Variants in POLR1C observed in about 807,000 individuals in gnomAD.
POLR1C encodes the protein DNA-directed RNA polymerases I and III subunit RPAC1.
Under a neutral mutation model 38.3 loss-of-function variants are expected in POLR1C, and 42 were observed. The ratio of observed to expected loss-of-function variants is 1.10; its 90% CI spans 0.86 to 1.42. The LOEUF is 1.42. POLR1C is among the 40% of genes most tolerant of loss of function. The probability of loss-of-function intolerance (pLI) is 0.00; values close to 1 mark genes in which losing one functional copy is unlikely to be tolerated. For missense variants in POLR1C, 507 were observed against 450.5 expected, an observed-to-expected ratio of 1.13 and a Z score of -1.14; for synonymous variants, 163 against 163.9, an observed-to-expected ratio of 0.99 and a Z score of 0.04.
intron 8 of POLR1C, chr6:43,526,893 C>T (rs530971996): frequency 8.3e-5 from 63 of 762,442 alleles, no homozygotes; most frequent in Admixed American, 1.3e-4. Context: ...GAATTAGCTT[C>T]ACCAATAGAA....
intron 10 of POLR1C, chr6:43,553,757 C>G: frequency 1.8e-6 from 1 of 540,860 alleles, no homozygotes; most frequent in Middle Eastern, 6.2e-4. Flanking sequence ...GAATTCACCT[C>G]TATGAGCCTT....
rs199977124 is a variant in POLR1C at position 43,526,678 on chromosome 6, C to T, written c.923-2571C>T. 4.6e-4 allele frequency: 736 copies of T among 1,613,818 alleles called. No individual in the cohort carries two copies. Among genetic ancestry groups the T allele is most frequent in the Middle Eastern group, 6.6e-4 (4 of 6,062 alleles). On this transcript the variant is annotated intron_variant, in intron 8 of 8. Coordinates refer to the POLR1C transcript ENST00000304004. The stretch of plus-strand genomic sequence containing the variant: ...GCAGAACTCCAAGGTCTCACAGGCT[C>T]ACTTACCGTCTCCATCTGCTGGGGG...
At chr6:43,534,564 T>C (rs1561868102), downstream of POLR1C, among the ~76,000 whole-genome samples, 1 of 152,224 alleles carries the variant, frequency 6.6e-6, no homozygotes, top group South Asian at 2.1e-4. Context: ...GAACTTGATA[T>C]ACCCGCTGTC....
chr6:43,534,586 T>C (rs1794200110), intron 9 of POLR1C, among the ~76,000 whole-genome samples: 1 of 152,216 alleles, frequency 6.6e-6, no homozygotes, highest in South Asian at 2.1e-4. Flanking sequence ...ACAGCACTCT[T>C]ACCTACTCAC....
intron 10 of POLR1C, chr6:43,551,249 TA>T (rs1169057699): frequency 1.0e-5 from 15 of 1,504,662 alleles, no homozygotes; most frequent in Non-Finnish European, 1.3e-5. Flanking sequence ...AAATAAAAAT[TA>T]ACTTAGAAAT....
chr6:43,528,959 G>A, intron 8 of POLR1C: 1 of 1,586,362 alleles, frequency 6.3e-7, no homozygotes, highest in Non-Finnish European at 8.6e-7. Flanking sequence ...TTAGTGCATA[G>A]GCACACATCT....
chr6:43,558,638 T>C, intron 10 of POLR1C: 1 of 1,435,988 alleles, frequency 7.0e-7, no homozygotes, highest in South Asian at 1.3e-5. Context: ...GTGGACCCAC[T>C]GAAAGAGTTT....
intron 9 of POLR1C, chr6:43,550,939 A>G (rs1323538859): frequency 6.1e-6 from 1 of 163,374 alleles, no homozygotes; most frequent in East Asian, 1.7e-4. Flanking sequence ...TATAGGTAAC[A>G]TTAACTGTTT....
intron 8 of POLR1C, 44 bp downstream of exon 8, chr6:43,521,092 C>T (rs996036811): frequency 3.1e-6 from 5 of 1,596,104 alleles, no homozygotes; most frequent in Non-Finnish European, 4.3e-6. Flanking sequence ...CTCTTTGGTG[C>T]TGCAGCTTCC....
intron 6 of POLR1C, 54 bp from the exon 7 acceptor site, chr6:43,520,570 AT>A: frequency 6.2e-7 from 1 of 1,609,508 alleles, no homozygotes. Context: ...TAGGAGGAGT[AT>A]TCTTCCTAAC....
intron 8 of POLR1C, chr6:43,528,029 C>T: frequency 1.0e-6 from 1 of 971,318 alleles, no homozygotes; most frequent in South Asian, 1.6e-5. Context: ...CATGTATCAC[C>T]TAGGCTGAGA....
downstream of POLR1C, chr6:43,523,440 G>A (rs1330009145): frequency 1.2e-5 from 4 of 339,338 alleles, no homozygotes; most frequent in East Asian, 3.1e-4. Context: ...AGTGGTCCAA[G>A]AGAAACTCTG....
downstream of POLR1C, among the ~76,000 whole-genome samples, chr6:43,534,354 A>T (rs1794183090): frequency 6.6e-6 from 1 of 152,316 alleles, no homozygotes; most frequent in South Asian, 2.1e-4. Context: ...AATGTGTGCA[A>T]CACTGTGGAT....
At position 43,520,108 on chromosome 6, in the gene POLR1C, T is replaced by C. The variant is rs533111548; in HGVS notation, c.425T>C (p.Leu142Pro). ...GAGATAGATACTCTACAGTTTCGTC[T>C]CCAGGTCAGATGCACTCGGAACCCC... is the stretch of plus-strand genomic sequence containing the variant. ...GTEIDTLQFRLQVRCTRNPHA... is the reference protein window; with the variant it reads ...GTEIDTLQFRPQVRCTRNPHA... Residue 142 changes from leucine (L) to proline (P), a missense_variant, in exon 5 of 9, where the codon CTC becomes CCC. Coordinates refer to ENST00000642195, the MANE Select transcript of POLR1C (RefSeq NM_203290.4). 1 of 1,614,224 alleles carries C rather than the reference T, an allele frequency of 6.2e-7. No individual in the cohort carries two copies. The highest frequency in any genetic ancestry group is 2.2e-5 in the East Asian group (1 of 44,890).
chr6:43,519,472 T>A (rs774030684), intron 3 of POLR1C, 32 bp downstream of exon 3: 14 of 1,522,984 alleles, frequency 9.2e-6, no homozygotes. Context: ...AGGCTGGAGT[T>A]GCTTTGGGAA....
intron 10 of POLR1C, chr6:43,551,373 G>A (rs770243870): frequency 2.2e-5 from 35 of 1,613,784 alleles, no homozygotes; most frequent in Non-Finnish European, 2.6e-5. Context: ...TAGTAAGGAC[G>A]CAGGACAGGA....
chr6:43,539,309 T>C (rs894937870), intron 9 of POLR1C: 252 of 1,560,222 alleles, frequency 1.6e-4, no homozygotes, highest in East Asian at 1.3e-3. Context: ...GCCACTGTAG[T>C]CCCCGATAGC....
chr6:43,527,271 C>T (rs1247143228), intron 8 of POLR1C: 1 of 212,056 alleles, frequency 4.7e-6, no homozygotes, highest in African/African-American at 2.3e-5. Flanking sequence ...AGTGTTGCTA[C>T]AAACATGAAC....
chr6:43,533,259 CACACGA>C (rs1179790855), downstream of POLR1C: 1 of 145,252 alleles, frequency 6.9e-6, no homozygotes, highest in East Asian at 2.0e-4. Flanking sequence ...CACACACACA[CACACGA>C]GGAGGCAGGA....
Sources: allele counts gnomAD v4.1 joint callset (sites outside exome capture counted in the v4.1 genomes callset), GRCh38; gene constraint gnomAD v4.1.1; transcripts MANE v1.5; gene names NCBI Gene and HGNC (gene_info 2026-07-23, HGNC 2026-07-21).